The following OVCH1 variants were observed in gnomAD, a reference collection of about 807,000 sequenced individuals.
OVCH1 encodes the protein ovochymase-1.
Under a neutral mutation model 138.4 loss-of-function variants are expected in OVCH1, and 139 were observed. The ratio of observed to expected loss-of-function variants is 1.00; its 90% CI spans 0.87 to 1.16. The LOEUF is 1.16. Ranked by LOEUF, OVCH1 falls within the 50% of genes most tolerant of loss-of-function variation. OVCH1 has a pLI of 0.00. For missense variants in OVCH1, 1,367 were observed against 1,357.9 expected (o/e 1.01, Z -0.11); for synonymous variants, 453 against 467.8 (o/e 0.97, Z 0.41).
At chr12:29,478,743 G>T in intron 9 of OVCH1, 92 bp downstream of exon 10, 1 of 862,358 alleles carries the variant, frequency 1.2e-6, no homozygotes, top group Non-Finnish European at 1.6e-6. Context: ...CATAGGCAGA[G>T]CAGCCAGAAA....
chr12:29,424,656 A>G (rs1356002895), downstream of OVCH1, among the ~76,000 whole-genome samples: 1 of 152,138 alleles, frequency 6.6e-6, no homozygotes, highest in Admixed American at 6.5e-5. Flanking sequence ...TATTAACTAT[A>G]TGGCAAGCTA....
intron 11 of OVCH1, 29 bp downstream of exon 11, chr12:29,477,312 G>A: frequency 6.2e-7 from 1 of 1,613,542 alleles, no homozygotes; most frequent in Non-Finnish European, 8.5e-7. Flanking sequence ...AGGGAAAATG[G>A]CAAGGAATTA....
intron 26 of OVCH1, chr12:29,433,856 C>T (rs2135904988): frequency 7.5e-7 from 1 of 1,333,702 alleles, no homozygotes. Context: ...GCCTCCCAAA[C>T]TGTATTTCAA....
chr12:29,494,471 C>T lies in OVCH1; in HGVS notation c.454+814G>A, dbSNP rs557418354. On this transcript the variant is annotated intron_variant, in intron 4 of 27. Coordinates refer to ENST00000318184, the Ensembl canonical transcript of OVCH1. ...TCTCTGAAAATATTTTCAAATGTTT[C>T]GAGCTTTTTTGTTAGAGATGAATAT... 1.1e-4 allele frequency among the ~76,000 whole-genome samples: 17 copies of T among 152,206 alleles called. No homozygotes were observed. The South Asian group carries it at 3.1e-3, about 28-fold the overall frequency.
intron 3 of OVCH1, among the ~76,000 whole-genome samples, chr12:29,418,966 G>A (rs1159404292): frequency 1.3e-5 from 2 of 152,100 alleles, no homozygotes; most frequent in Non-Finnish European, 2.9e-5. Context: ...ACGTGATTCT[G>A]TCTTCAGCCT....
chr12:29,434,118 T>A (rs560650080), intron 26 of OVCH1, among the ~76,000 whole-genome samples: 1 of 152,298 alleles, frequency 6.6e-6, no homozygotes, highest in Non-Finnish European at 1.5e-5. Flanking sequence ...ACAAAGCGTA[T>A]CTTTCAAAAA....
chr12:29,422,778 G>T (rs899222004), downstream of OVCH1, among the ~76,000 whole-genome samples: 3 of 152,108 alleles, frequency 2.0e-5, no homozygotes, highest in African/African-American at 7.2e-5. Flanking sequence ...TGAGGGTGAG[G>T]GGTAGCTACT....
chr12:29,476,760 C>CGT (rs1416080234), intron 12 of OVCH1, among the ~76,000 whole-genome samples: 22 of 7,680 alleles, frequency 2.9e-3, no homozygotes, highest in Admixed American at 7.0e-3. Flanking sequence ...CGCGCGCACA[C>CGT]ACACACACAC....
At chr12:29,434,725 A>C (rs983137793) in intron 26 of OVCH1, among the ~76,000 whole-genome samples, 16 of 151,486 alleles carry the variant, frequency 1.1e-4, no homozygotes, top group Admixed American at 2.0e-4. Context: ...ACAAAAAAAA[A>C]CCTTACTATT....
Position 29,478,983 on chromosome 12 carries a change from G to A in OVCH1, c.996-75C>T. The A allele has an allele frequency of 9.5e-7, 1 of 1,052,028 alleles. No homozygotes were observed. The highest frequency in any genetic ancestry group is 1.3e-6 in the Non-Finnish European group (1 of 748,434). 65.2% of individuals were successfully genotyped at this position (1,052,028 alleles called of 1,614,324 possible). A position where few individuals can be genotyped will look rare whatever the true frequency, so the allele number is the denominator to read the frequency against. On this transcript the variant is annotated intron_variant, in intron 8 of 27. Transcript: ENST00000318184. The stretch of plus-strand genomic sequence containing the variant: ...AAACATATAAGCTGGGGTAGGGGAA[G>A]GTGAAGAAAATGTAATAAATGGAAG...
At chr12:29,448,017 A>T (rs1256907609) in intron 22 of OVCH1, among the ~76,000 whole-genome samples, 1 of 151,472 alleles carries the variant, frequency 6.6e-6, no homozygotes, top group African/African-American at 2.4e-5. Flanking sequence ...GTTAGATTCT[A>T]ATCTTTTAAC....
At chr12:29,463,802 G>C (rs762092537) in intron 18 of OVCH1, among the ~76,000 whole-genome samples, 2 of 152,122 alleles carry the variant, frequency 1.3e-5, no homozygotes, top group Non-Finnish European at 2.9e-5. Context: ...ACTGTAAGCA[G>C]TCAAATATAA....
At chr12:29,431,602 TACTA>T (rs757618281) in intron 27 of OVCH1, among the ~76,000 whole-genome samples, 18 of 152,276 alleles carry the variant, frequency 1.2e-4, no homozygotes, top group South Asian at 4.1e-4. Flanking sequence ...TTTTCCATGC[TACTA>T]ACTACCTCAT....
chr12:29,468,296 T>C (rs550922403), intron 16 of OVCH1, among the ~76,000 whole-genome samples: 14 of 152,144 alleles, frequency 9.2e-5, no homozygotes, highest in Admixed American at 6.6e-5. Flanking sequence ...AGCATTACTA[T>C]TATAATACAT....
intron 16 of OVCH1, among the ~76,000 whole-genome samples, chr12:29,467,804 C>A (rs891256160): frequency 6.6e-6 from 1 of 152,138 alleles, no homozygotes; most frequent in Non-Finnish European, 1.5e-5. Context: ...AGGCCCCACA[C>A]CAGACTTAAA....
intron 16 of OVCH1, among the ~76,000 whole-genome samples, chr12:29,469,359 A>G (rs1565593152): frequency 6.6e-6 from 1 of 152,150 alleles, no homozygotes; most frequent in Non-Finnish European, 1.5e-5. Context: ...TGAGGGACAT[A>G]GGGATGTTCT....
downstream of OVCH1, chr12:29,427,453 T>TA: frequency 7.2e-7 from 1 of 1,396,738 alleles, no homozygotes; most frequent in Non-Finnish European, 9.7e-7. Context: ...GATTGTATGA[T>TA]AGAGGAGGTC....
intron 22 of OVCH1, among the ~76,000 whole-genome samples, chr12:29,449,054 A>C (rs542363897): frequency 1.3e-5 from 2 of 152,276 alleles, no homozygotes; most frequent in South Asian, 2.1e-4. Context: ...CTGTACATGA[A>C]ATTAAAAATG....
intron 25 of OVCH1, among the ~76,000 whole-genome samples, chr12:29,439,890 G>T (rs563084107): frequency 6.6e-6 from 1 of 152,268 alleles, no homozygotes; most frequent in Non-Finnish European, 1.5e-5. Flanking sequence ...TATAATTCAG[G>T]AACAGTCCAA....
Sources: gnomAD v4.1 joint callset for allele counts (sites outside exome capture counted in the v4.1 genomes callset) on GRCh38, gnomAD v4.1.1 for gene constraint, MANE v1.5 for transcripts, NCBI Gene and HGNC (gene_info 2026-07-23, HGNC 2026-07-21) for gene names.